The following PDGFD variants were observed in gnomAD, a reference collection of about 807,000 sequenced individuals.
The protein encoded by PDGFD is platelet-derived growth factor D.
Under a neutral mutation model 44.7 loss-of-function variants are expected in PDGFD, and 30 were observed. The ratio of observed to expected loss-of-function variants is 0.67; its 90% CI spans 0.50 to 0.91. PDGFD has a LOEUF of 0.91. Among genes scored for constraint, PDGFD ranks in the 40% least tolerant of loss-of-function variants. The pLI is 0.00. For synonymous variants in PDGFD, 173 were observed against 168.4 expected (o/e 1.03, Z -0.21); for missense variants, 445 against 457.8 (o/e 0.97, Z 0.25).
intron 1 of PDGFD, among the ~76,000 whole-genome samples, chr11:104,126,840 G>A (rs1032372573): frequency 1.4e-5 from 2 of 147,028 alleles, no homozygotes; most frequent in East Asian, 4.1e-4. Context: ...TAGATGGAAA[G>A]CACTCCAATT....
chr11:104,098,308 G>T (rs971029721), intron 1 of PDGFD, among the ~76,000 whole-genome samples: 1 of 152,084 alleles, frequency 6.6e-6, no homozygotes, highest in African/African-American at 2.4e-5. Context: ...TCTGTAAGAT[G>T]CCAAGAAACC....
intron 1 of PDGFD, among the ~76,000 whole-genome samples, chr11:104,101,588 T>C (rs1301538044): frequency 1.3e-5 from 2 of 152,106 alleles, no homozygotes; most frequent in Non-Finnish European, 2.9e-5. Flanking sequence ...TTAAAGTTCA[T>C]ATGGAACCAA....
intron 3 of PDGFD, among the ~76,000 whole-genome samples, chr11:103,961,916 G>T (rs1290871358): frequency 1.3e-5 from 2 of 152,082 alleles, no homozygotes; most frequent in Non-Finnish European, 2.9e-5. Context: ...GTAGGAAACT[G>T]GTTGTTAATA....
At chr11:104,133,895 G>A (rs1026050146) in intron 1 of PDGFD, among the ~76,000 whole-genome samples, 1 of 152,104 alleles carries the variant, frequency 6.6e-6, no homozygotes, top group South Asian at 2.1e-4. Context: ...CATTTACCAG[G>A]GACATGATAT....
chr11:103,958,292 C>T (rs369698241), intron 3 of PDGFD, among the ~76,000 whole-genome samples: 3 of 152,096 alleles, frequency 2.0e-5, no homozygotes, highest in East Asian at 3.8e-4. Flanking sequence ...TTGAATAATT[C>T]CTCTTTTCTT....
chr11:103,973,824 T>C (rs905289508), intron 3 of PDGFD, among the ~76,000 whole-genome samples: 1 of 152,038 alleles, frequency 6.6e-6, no homozygotes, highest in East Asian at 1.9e-4. Context: ...GAGTAAAACA[T>C]GGGCTGGGGT....
Position 103,907,692 on chromosome 11 carries a change from A to G in PDGFD, c.*2002T>C, listed in dbSNP as rs1857957443. ...ACTCTCATTTTTTATATTTACAGCT[A>G]CATTGTGAGCTGTTCAGGTTAGAGT... is the stretch of plus-strand genomic sequence containing the variant. On this transcript the variant is annotated 3_prime_UTR_variant, in exon 7 of 7. Coordinates refer to ENST00000393158, the MANE Select transcript of PDGFD (RefSeq NM_025208.5). 6.6e-6 allele frequency: 1 copy of G among 152,206 alleles called. No individual in the cohort carries two copies. The highest frequency in any genetic ancestry group is 6.5e-5 in the Admixed American group (1 of 15,268). The allele number at this position is 152,206 out of a possible 1,614,324, so 9.4% of individuals were successfully genotyped here.
At chr11:104,085,983 A>G (rs1861123701) in intron 1 of PDGFD, among the ~76,000 whole-genome samples, 1 of 152,182 alleles carries the variant, frequency 6.6e-6, no homozygotes, top group Non-Finnish European at 1.5e-5. Context: ...AAGAGGTTGG[A>G]TTTTAAGGGG....
At chr11:104,084,171 G>T (rs934408913) in intron 1 of PDGFD, among the ~76,000 whole-genome samples, 17 of 152,196 alleles carry the variant, frequency 1.1e-4, no homozygotes, top group Admixed American at 5.9e-4. Flanking sequence ...CAGAGAAGAT[G>T]CCTGCACTTA....
At chr11:103,944,792 A>ACAGTCCCT (rs1350132549) in intron 4 of PDGFD, among the ~76,000 whole-genome samples, 1 of 152,176 alleles carries the variant, frequency 6.6e-6, no homozygotes, top group African/African-American at 2.4e-5. Flanking sequence ...TCTCAGAGTA[A>ACAGTCCCT]CAGTCCCTCT....
chr11:103,969,424 C>T (rs139580333), intron 3 of PDGFD, among the ~76,000 whole-genome samples: 136 of 148,398 alleles, frequency 9.2e-4, no homozygotes, highest in African/African-American at 2.9e-3. Flanking sequence ...TATAAAACTA[C>T]TTCCTTGGCA....
At chr11:104,110,934 C>A (rs1172810245) in intron 1 of PDGFD, among the ~76,000 whole-genome samples, 1 of 152,246 alleles carries the variant, frequency 6.6e-6, no homozygotes, top group Non-Finnish European at 1.5e-5. Context: ...TTAATCATTA[C>A]ATATGTTACC....
intron 3 of PDGFD, among the ~76,000 whole-genome samples, chr11:103,949,322 C>T (rs1244257913): frequency 1.3e-5 from 2 of 152,046 alleles, no homozygotes; most frequent in Non-Finnish European, 2.9e-5. Flanking sequence ...TAATCTTAAT[C>T]CTAGGGAAGA....
intron 1 of PDGFD, among the ~76,000 whole-genome samples, chr11:104,127,263 G>T (rs1287112990): frequency 6.6e-6 from 1 of 152,110 alleles, no homozygotes; most frequent in Non-Finnish European, 1.5e-5. Flanking sequence ...CATTGGAATT[G>T]CCTGGACATC....
intron 1 of PDGFD, among the ~76,000 whole-genome samples, chr11:104,110,011 C>T (rs928147570): frequency 1.3e-5 from 2 of 151,640 alleles, no homozygotes; most frequent in African/African-American, 4.8e-5. Flanking sequence ...ATATTGAATG[C>T]TTAGAAAAAA....
At chr11:104,042,478 C>T (rs1860371170) in intron 1 of PDGFD, among the ~76,000 whole-genome samples, 1 of 152,168 alleles carries the variant, frequency 6.6e-6, no homozygotes, top group Non-Finnish European at 1.5e-5. Context: ...TCTCTTACTA[C>T]AGCAATGAAT....
intron 3 of PDGFD, among the ~76,000 whole-genome samples, chr11:103,959,700 AT>A (rs1415906355): frequency 1.3e-5 from 2 of 152,154 alleles, no homozygotes; most frequent in Non-Finnish European, 2.9e-5. Flanking sequence ...CTAAGAATTT[AT>A]GACAGAGCTG....
intron 1 of PDGFD, among the ~76,000 whole-genome samples, chr11:104,113,906 T>C (rs1004453128): frequency 6.6e-5 from 10 of 152,080 alleles, no homozygotes; most frequent in African/African-American, 2.2e-4. Flanking sequence ...ATATCTTCTT[T>C]GGTGAGGTGT....
chr11:103,925,254 G>T (rs1351865946), intron 6 of PDGFD, among the ~76,000 whole-genome samples: 1 of 152,150 alleles, frequency 6.6e-6, no homozygotes, highest in African/African-American at 2.4e-5. Flanking sequence ...GAATAGTGCT[G>T]CAATAAACAT....
Sources: gnomAD v4.1 joint callset for allele counts (sites outside exome capture counted in the v4.1 genomes callset) on GRCh38, gnomAD v4.1.1 for gene constraint, MANE v1.5 for transcripts, NCBI Gene and HGNC (gene_info 2026-07-23, HGNC 2026-07-21) for gene names.